PKP2: variants seen among roughly 807,000 people sequenced by gnomAD.
PKP2 encodes plakophilin-2.
Under a neutral mutation model 83.4 loss-of-function variants are expected in PKP2, and 73 were observed. The observed-to-expected ratio is 0.88, with a 90% CI of 0.72 to 1.06. The LOEUF is 1.06. Ranked by LOEUF, PKP2 falls within the 50% of genes least tolerant of loss-of-function variation. PKP2 has a pLI of 0.00. For missense variants in PKP2, 966 were observed against 1,065.4 expected (o/e 0.91, Z 1.30); for synonymous variants, 409 against 430.4 (o/e 0.95, Z 0.62).
At chr12:32,872,307 T>A (rs890408143) in intron 3 of PKP2, among the ~76,000 whole-genome samples, 2 of 151,650 alleles carry the variant, frequency 1.3e-5, no homozygotes, top group African/African-American at 2.4e-5. Flanking sequence ...CTGAGGTGGG[T>A]GAAGCACCTG....
intron 4 of PKP2, among the ~76,000 whole-genome samples, chr12:32,868,023 G>A (rs1463785721): frequency 6.6e-6 from 1 of 152,164 alleles, no homozygotes; most frequent in Non-Finnish European, 1.5e-5. Context: ...AATGTTAATG[G>A]AATCACTGAA....
chr12:32,896,336 G>C (rs1957123250), intron 1 of PKP2, among the ~76,000 whole-genome samples, 173 bp downstream of exon 1: 1 of 152,218 alleles, frequency 6.6e-6, no homozygotes, highest in South Asian at 2.1e-4. Context: ...TGAGTAATAG[G>C]TTATGGAAAA....
chr12:32,885,244 A>G (rs994205446), intron 1 of PKP2, among the ~76,000 whole-genome samples: 4 of 152,198 alleles, frequency 2.6e-5, no homozygotes, highest in Non-Finnish European at 4.4e-5. Context: ...CCCTTTCCCA[A>G]TCTGAGTGTT....
chr12:32,863,194 A>G, intron 4 of PKP2: 1 of 222,538 alleles, frequency 4.5e-6, no homozygotes, highest in Non-Finnish European at 9.8e-6. Context: ...TCTTAAAATT[A>G]AAGGTGTTTA....
intron 4 of PKP2, among the ~76,000 whole-genome samples, chr12:32,864,055 T>G (rs1366547083): frequency 6.6e-6 from 1 of 151,630 alleles, no homozygotes; most frequent in Non-Finnish European, 1.5e-5. Flanking sequence ...ATAAAAATAT[T>G]TCAATAAATG....
At chr12:32,872,949 A>G (rs73303668) in intron 3 of PKP2, among the ~76,000 whole-genome samples, 9,605 of 152,266 alleles carry the variant, frequency 0.063, 1,036 homozygotes, top group African/African-American at 0.22. Context: ...TAAAGCAGGT[A>G]GTAATTAAGA....
intron 6 of PKP2, among the ~76,000 whole-genome samples, chr12:32,833,000 C>T (rs1034283084): frequency 6.6e-6 from 1 of 152,134 alleles, no homozygotes; most frequent in African/African-American, 2.4e-5. Flanking sequence ...AGTCCCAGCA[C>T]TTTGGGAGGC....
At chr12:32,810,663 CATAGA>C (rs1055149823) in intron 9 of PKP2, among the ~76,000 whole-genome samples, 1 of 151,376 alleles carries the variant, frequency 6.6e-6, no homozygotes, top group African/African-American at 2.4e-5. Flanking sequence ...GGGGAAAGTA[CATAGA>C]ATAAACATTT....
chr12:32,825,245 T>C (rs762569846), intron 6 of PKP2, among the ~76,000 whole-genome samples: 16 of 144,564 alleles, frequency 1.1e-4, no homozygotes, highest in African/African-American at 1.3e-4. Flanking sequence ...CTCGGCTCAC[T>C]GTAACCTCCA....
chr12:32,846,745 C>CA (rs574053559), intron 5 of PKP2, among the ~76,000 whole-genome samples: 5,910 of 74,778 alleles, frequency 0.079, 320 homozygotes, highest in Middle Eastern at 0.2. Context: ...AACTTCTTCT[C>CA]AAAAAAAAAA....
chr12:32,830,015 G>A (rs1486956418), intron 6 of PKP2, among the ~76,000 whole-genome samples: 1 of 152,044 alleles, frequency 6.6e-6, no homozygotes, highest in Non-Finnish European at 1.5e-5. Flanking sequence ...CACCTCAATG[G>A]TTTTAAAAAA....
At position 32,877,904 on chromosome 12, in the gene PKP2, C is replaced by A. The variant is rs148480056; in HGVS notation, c.976G>T (p.Ala326Ser). 3 of 1,614,162 alleles carry A rather than the reference C, an allele frequency of 1.9e-6. No individual in the cohort carries two copies. The highest frequency in any genetic ancestry group is 2.5e-6 in the Non-Finnish European group (3 of 1,180,000). ...RAHLTVGQAA[A>S]GGSGNLLTER... ...GTGAGCAGATTCCCACTTCCCCCTG[C>A]GGCCGCCTGGCCGACAGTCAAGTGC... The change falls in exon 3 of 13, where the codon GCA (alanine) becomes TCA (serine). Residue 326 changes from alanine (A) to serine (S), a missense_variant. Coordinates refer to ENST00000340811, the MANE Select transcript of PKP2 (RefSeq NM_001005242.3).
rs1956954532 is a variant in PKP2 at position 32,878,385 on chromosome 12, A to G, written c.495T>C (p.Asp165=). ...SPERAHYTHS[D]YQYSQRSQAG... ...CCTGGCTTCTCTGGCTGTACTGGTA[A>G]TCGCTGTGCGTGTAGTGAGCCCTCT... Residue 165 remains aspartate, a synonymous_variant, in exon 3 of 13, where the codon GAT becomes GAC. Transcript: ENST00000340811. 1 of 1,613,782 alleles carries G rather than the reference A, an allele frequency of 6.2e-7. No homozygotes were observed. The highest frequency in any genetic ancestry group is 1.1e-5 in the South Asian group (1 of 91,068).
At chr12:32,871,881 T>C (rs1284288610) in intron 3 of PKP2, among the ~76,000 whole-genome samples, 4 of 152,214 alleles carry the variant, frequency 2.6e-5, no homozygotes, top group Non-Finnish European at 5.9e-5. Flanking sequence ...CTGTGAAATC[T>C]TTTCTGTACC....
Position 32,824,138 on chromosome 12 carries a change from A to G in PKP2, c.1581T>C (p.Asp527=), listed in dbSNP as rs762962401. The stretch of plus-strand genomic sequence containing the variant: ...CACATCTTCTCATCGCTTTTCTCCC[A>G]TCAGCGCCAGCAGAACTCATGTTTC... ...CLRNMSSAGA[D]GRKAMRRCDG... is the part of the protein sequence containing the mutation. The change falls in exon 7 of 13, where the codon GAT becomes GAC. Residue 527 remains aspartate, a synonymous_variant. Coordinates refer to ENST00000340811, the MANE Select transcript of PKP2 (RefSeq NM_001005242.3). The G allele has an allele frequency of 2.5e-6, 4 of 1,612,726 alleles. No individual in the cohort carries two copies. The South Asian group carries it at 4.4e-5, about 18-fold the overall frequency.
intron 5 of PKP2, among the ~76,000 whole-genome samples, chr12:32,848,805 A>T (rs1174817238): frequency 6.6e-6 from 1 of 152,134 alleles, no homozygotes; most frequent in African/African-American, 2.4e-5. Flanking sequence ...TGAATGTTGA[A>T]TTTTTTAAAA....
chr12:32,796,272 A>G lies in PKP2; in HGVS notation c.2194T>C (p.Ser732Pro), dbSNP rs1114167346. The change falls in exon 11 of 13, where the codon TCC becomes CCC. Residue 732 changes from serine to proline, a missense_variant. Physicochemically the swap from Ser to Pro is moderately conservative, Grantham distance 74. Coordinates refer to ENST00000340811, the MANE Select transcript of PKP2 (RefSeq NM_001005242.3). ...IAKETLPDLV[S>P]IIPDTVPSTD... ...CTCGGGACTGTGTCAGGAATGATGG[A>G]AACCAAATCAGGGAGAGTTTCTTTG... 1.2e-6 allele frequency: 2 copies of G among 1,613,662 alleles called. No homozygotes were observed. The highest frequency in any genetic ancestry group is 1.7e-6 in the Non-Finnish European group (2 of 1,179,776).
chr12:32,852,221 C>T (rs1458731516), intron 4 of PKP2, among the ~76,000 whole-genome samples: 9 of 152,188 alleles, frequency 5.9e-5, no homozygotes, highest in Non-Finnish European at 8.8e-5. Context: ...CGGGCATGAA[C>T]TTGCCTTTCA....
At chr12:32,793,613 CTTTTTTT>C (rs35990527) in intron 11 of PKP2, among the ~76,000 whole-genome samples, 12 of 76,732 alleles carry the variant, frequency 1.6e-4, no homozygotes, top group South Asian at 4.8e-4. Flanking sequence ...TCATATTCTG[CTTTTTTT>C]TTTTTTTTTT....
Sources: gnomAD v4.1 joint callset for allele counts (sites outside exome capture counted in the v4.1 genomes callset) on GRCh38, gnomAD v4.1.1 for gene constraint, MANE v1.5 for transcripts, NCBI Gene and HGNC (gene_info 2026-07-23, HGNC 2026-07-21) for gene names.